MEIKIN: variants seen among roughly 807,000 people sequenced by gnomAD.
MEIKIN encodes meiosis-specific kinetochore protein.
intron 8 of MEIKIN, among the ~76,000 whole-genome samples, chr5:131,910,896 CCACAGCTAAAGCAA>C (rs1054023496): frequency 7.2e-5 from 11 of 152,048 alleles, no homozygotes; most frequent in Admixed American, 3.3e-4. Context: ...TAAATATTTT[CCACAGCTAAAGCAA>C]CACTTTTTAT....
intron 11 of MEIKIN, among the ~76,000 whole-genome samples, chr5:131,833,073 C>A (rs1364534999): frequency 6.6e-6 from 1 of 152,212 alleles, no homozygotes; most frequent in Non-Finnish European, 1.5e-5. Flanking sequence ...ATGGGATTTT[C>A]CTTTCTATCA....
At chr5:131,925,417 T>C (rs567028002) in intron 5 of MEIKIN, among the ~76,000 whole-genome samples, 23 of 152,222 alleles carry the variant, frequency 1.5e-4, no homozygotes, top group Non-Finnish European at 2.9e-4. Context: ...AAACATGGGA[T>C]GTGCATCCAT....
chr5:131,943,198 G>C (rs1396594107), intron 3 of MEIKIN, among the ~76,000 whole-genome samples: 1 of 151,534 alleles, frequency 6.6e-6, no homozygotes, highest in African/African-American at 2.4e-5. Context: ...AATAATTTGA[G>C]AAAAAAAATA....
chr5:131,841,148 T>G (rs1409778149), intron 11 of MEIKIN, among the ~76,000 whole-genome samples: 2 of 152,202 alleles, frequency 1.3e-5, no homozygotes, highest in African/African-American at 4.8e-5. Context: ...ATGCAAGCTC[T>G]AATTCTGAGG....
At chr5:131,915,000 A>T (rs1751395000) in intron 7 of MEIKIN, among the ~76,000 whole-genome samples, 2 of 152,286 alleles carry the variant, frequency 1.3e-5, no homozygotes, top group Admixed American at 1.3e-4. Context: ...AGAGCTGGGG[A>T]TGTTCAGGCA....
At chr5:131,832,089 C>A (rs1749724556) in intron 11 of MEIKIN, among the ~76,000 whole-genome samples, 1 of 152,128 alleles carries the variant, frequency 6.6e-6, no homozygotes. Context: ...TAACTCATTT[C>A]AGCCAAAAGT....
intron 8 of MEIKIN, among the ~76,000 whole-genome samples, chr5:131,884,507 C>G (rs1473576211): frequency 6.6e-6 from 1 of 151,960 alleles, no homozygotes; most frequent in African/African-American, 2.4e-5. Flanking sequence ...ATTAAAGAGC[C>G]CTTGGGCCCT....
chr5:131,943,010 T>C (rs1251065189), intron 3 of MEIKIN, among the ~76,000 whole-genome samples: 1 of 152,044 alleles, frequency 6.6e-6, no homozygotes, highest in Non-Finnish European at 1.5e-5. Context: ...GGAGGGGCTT[T>C]TTTTCCATCT....
chr5:131,881,708 A>G (rs1026827578), intron 8 of MEIKIN, among the ~76,000 whole-genome samples: 1 of 152,154 alleles, frequency 6.6e-6, no homozygotes, highest in East Asian at 1.9e-4. Flanking sequence ...ATCTTGGTAT[A>G]TATGTATTCA....
At position 131,945,267 on chromosome 5, in the gene MEIKIN, G is replaced by A. The variant is rs917363440; in HGVS notation, c.107-18C>T. ...CTTCGAACCTGAGAGAGGGCGGCAC[G>A]TTTCAGGGCAAGAAACCTACCCACC... On this transcript the variant is annotated intron_variant, in intron 1 of 12. Coordinates refer to ENST00000442687, the MANE Select transcript of MEIKIN (RefSeq NM_001303622.2). 2.5e-6 allele frequency: 1 copy of A among 399,146 alleles called. No homozygotes were observed. Among genetic ancestry groups the A allele is most frequent in the Non-Finnish European group, 4.4e-6 (1 of 226,116 alleles). 24.7% of individuals were successfully genotyped at this position (399,146 alleles called of 1,614,324 possible). A position where few individuals can be genotyped will look rare whatever the true frequency, so the allele number is the denominator to read the frequency against.
intron 11 of MEIKIN, among the ~76,000 whole-genome samples, chr5:131,828,444 G>A (rs547791059): frequency 4.5e-4 from 69 of 152,214 alleles, no homozygotes; most frequent in South Asian, 8.3e-4. Context: ...GATTACAGGC[G>A]TGAGCCACTG....
intron 10 of MEIKIN, 79 bp downstream of exon 10, chr5:131,854,675 C>T (rs1750166103): frequency 2.5e-6 from 1 of 395,114 alleles, no homozygotes; most frequent in Admixed American, 4.4e-5. Context: ...CAATATTTCC[C>T]TGATATGAGA....
chr5:131,940,578 T>C (rs1751852187), intron 4 of MEIKIN, among the ~76,000 whole-genome samples: 1 of 152,228 alleles, frequency 6.6e-6, no homozygotes, highest in Non-Finnish European at 1.5e-5. Context: ...AGTTTGGATA[T>C]TCCTGGTTGC....
At chr5:131,827,387 T>C (rs1749633997) in intron 11 of MEIKIN, among the ~76,000 whole-genome samples, 1 of 152,072 alleles carries the variant, frequency 6.6e-6, no homozygotes, top group Admixed American at 6.5e-5. Context: ...CAGAAATAAG[T>C]CCAAATGTAT....
At chr5:131,809,298 C>G (rs1002757390) in intron 12 of MEIKIN, among the ~76,000 whole-genome samples, 4 of 152,172 alleles carry the variant, frequency 2.6e-5, no homozygotes, top group Non-Finnish European at 4.4e-5. Flanking sequence ...AAACAACAGA[C>G]TTAAAAGGCC....
At chr5:131,878,443 C>T (rs569495599) in intron 9 of MEIKIN, among the ~76,000 whole-genome samples, 259 of 152,068 alleles carry the variant, frequency 1.7e-3, no homozygotes, top group Admixed American at 3.5e-3. Context: ...GGCAGGCACC[C>T]GTAGTCCCAG....
chr5:131,885,793 C>G (rs1219930007), intron 8 of MEIKIN, among the ~76,000 whole-genome samples: 1 of 152,184 alleles, frequency 6.6e-6, no homozygotes, highest in Non-Finnish European at 1.5e-5. Flanking sequence ...GAGCACCAAA[C>G]AGGCTCACCA....
chr5:131,820,064 C>T (rs1485340482), intron 11 of MEIKIN, among the ~76,000 whole-genome samples: 3 of 122,876 alleles, frequency 2.4e-5, no homozygotes, highest in Non-Finnish European at 5.0e-5. Context: ...CGTGAGCCAC[C>T]GCGCCCGGCC....
At chr5:131,855,505 G>A (rs1357361882) in intron 9 of MEIKIN, among the ~76,000 whole-genome samples, 4 of 151,888 alleles carry the variant, frequency 2.6e-5, no homozygotes, top group Non-Finnish European at 4.4e-5. Flanking sequence ...GTGACAGAAA[G>A]CGAGGAAGCG....
Sources: gnomAD v4.1 joint callset for allele counts (sites outside exome capture counted in the v4.1 genomes callset) on GRCh38, gnomAD v4.1.1 for gene constraint, MANE v1.5 for transcripts, NCBI Gene and HGNC (gene_info 2026-07-23, HGNC 2026-07-21) for gene names.